DMRT1: variants seen among roughly 807,000 people sequenced by gnomAD.
DMRT1 encodes doublesex- and mab-3-related transcription factor 1.
A neutral mutation model predicts 32.3 loss-of-function variants in DMRT1; 7 were observed. The observed-to-expected ratio is 0.22, with a 90% CI of 0.12 to 0.41. DMRT1 has a LOEUF of 0.41. Ranked by LOEUF, DMRT1 falls within the 10% of genes least tolerant of loss-of-function variation. The pLI, the probability that DMRT1 is intolerant of heterozygous loss-of-function variation, is 1.00. For missense variants in DMRT1, 625 were observed against 500.5 expected (o/e 1.25, Z -2.37); for synonymous variants, 278 against 206.1 (o/e 1.35, Z -2.99).
intron 2 of DMRT1, among the ~76,000 whole-genome samples, chr9:893,503 T>C (rs1817231531): frequency 6.6e-6 from 1 of 152,248 alleles, no homozygotes; most frequent in Non-Finnish European, 1.5e-5. Flanking sequence ...TCACCTAAAC[T>C]CTTGGCCACT....
At chr9:915,076 G>C (rs1338283487) in intron 3 of DMRT1, among the ~76,000 whole-genome samples, 4 of 152,152 alleles carry the variant, frequency 2.6e-5, no homozygotes, top group Non-Finnish European at 4.4e-5. Context: ...AATTATTTTG[G>C]ATTATTTTGA....
At chr9:918,335 G>C (rs1311643186) in intron 4 of DMRT1, among the ~76,000 whole-genome samples, 1 of 152,190 alleles carries the variant, frequency 6.6e-6, no homozygotes, top group Non-Finnish European at 1.5e-5. Context: ...CTTACACCAG[G>C]AATAATGGAA....
At chr9:851,220 G>A (rs188709202) in intron 2 of DMRT1, among the ~76,000 whole-genome samples, 89 of 152,060 alleles carry the variant, frequency 5.9e-4, no homozygotes, top group African/African-American at 2.0e-3. Flanking sequence ...GTAGCTTAGT[G>A]AAATTTAGTC....
At chr9:873,649 G>A (rs752403756) in intron 2 of DMRT1, among the ~76,000 whole-genome samples, 2 of 152,102 alleles carry the variant, frequency 1.3e-5, no homozygotes, top group African/African-American at 2.4e-5. Flanking sequence ...TTAGGTTATC[G>A]CTAGGTCTTG....
chr9:878,209 C>CG (rs1554749517), intron 2 of DMRT1, among the ~76,000 whole-genome samples: 3 of 127,104 alleles, frequency 2.4e-5, no homozygotes, highest in African/African-American at 5.9e-5. Flanking sequence ...TGCCCCCCCC[C>CG]CACCCAATAA....
intron 4 of DMRT1, among the ~76,000 whole-genome samples, chr9:957,028 G>A (rs976331487): frequency 2.0e-4 from 30 of 152,178 alleles, no homozygotes; most frequent in African/African-American, 7.0e-4. Flanking sequence ...GCTGAGGCTT[G>A]GGGTATGAAT....
chr9:897,583 C>T (rs1278929053), intron 3 of DMRT1, among the ~76,000 whole-genome samples: 1 of 149,490 alleles, frequency 6.7e-6, no homozygotes, highest in Admixed American at 6.7e-5. Context: ...CAGAGCAAGA[C>T]ACTGTCTCCA....
intron 3 of DMRT1, among the ~76,000 whole-genome samples, chr9:910,059 G>A (rs56874506): frequency 6.6e-6 from 1 of 152,174 alleles, no homozygotes; most frequent in Non-Finnish European, 1.5e-5. Flanking sequence ...AATTAGGAAT[G>A]TTATCCTATA....
chr9:896,303 T>A, intron 3 of DMRT1, among the ~76,000 whole-genome samples: 1 of 147,498 alleles, frequency 6.8e-6, no homozygotes, highest in African/African-American at 2.5e-5. Context: ...TTTTTTTTTT[T>A]CCTGAGACAG....
chr9:928,110 T>A (rs1564257023), intron 4 of DMRT1, among the ~76,000 whole-genome samples: 1 of 152,174 alleles, frequency 6.6e-6, no homozygotes, highest in Non-Finnish European at 1.5e-5. Flanking sequence ...TTCCAAGAGA[T>A]TGATGGTGTT....
chr9:943,111 T>C (rs908328208), intron 4 of DMRT1, among the ~76,000 whole-genome samples: 1 of 152,138 alleles, frequency 6.6e-6, no homozygotes, highest in African/African-American at 2.4e-5. Context: ...TATCAGGTTG[T>C]TATTCCAAGG....
At chr9:915,435 A>T (rs932022313) in intron 3 of DMRT1, among the ~76,000 whole-genome samples, 1 of 152,144 alleles carries the variant, frequency 6.6e-6, no homozygotes, top group African/African-American at 2.4e-5. Flanking sequence ...AAGCTATCTC[A>T]TGGTCCTAAA....
chr9:846,119 C>T (rs139124336), intron 1 of DMRT1, among the ~76,000 whole-genome samples: 1,633 of 150,578 alleles, frequency 0.011, 12 homozygotes, highest in Non-Finnish European at 0.016. Flanking sequence ...GCAACCTCTG[C>T]CTCCTGGGTT....
rs527628129 is a variant in DMRT1, at chr9:902,254, A to AT, written c.822+8060dup. Among the ~76,000 whole-genome samples, 1,117 of 148,926 alleles carry AT rather than the reference A, an allele frequency of 7.5e-3. 16 individuals carry two copies. Among genetic ancestry groups the AT allele is most frequent in the African/African-American group, 0.027 (1,064 of 39,838 alleles). ...ATAAAGTGATGTATTAGATGGTGGGATGTTTTTTGTTAATGCTCTTATTCA... is the reference window on the plus strand; with the variant it reads ...ATAAAGTGATGTATTAGATGGTGGGATTGTTTTTTGTTAATGCTCTTATTCA... On this transcript the variant is annotated intron_variant, in intron 3 of 4. Transcript: ENST00000382276.
chr9:927,963 C>T (rs1239079817), intron 4 of DMRT1, among the ~76,000 whole-genome samples: 1 of 152,182 alleles, frequency 6.6e-6, no homozygotes, highest in South Asian at 2.1e-4. Flanking sequence ...ACTGTTGCCA[C>T]CCATTGTGGA....
chr9:939,044 C>A (rs1265569777), intron 4 of DMRT1, among the ~76,000 whole-genome samples: 1 of 152,236 alleles, frequency 6.6e-6, no homozygotes, highest in Non-Finnish European at 1.5e-5. Context: ...TGGGTTGCCC[C>A]ACTCCATAGC....
chr9:852,830 C>G (rs1833601277), intron 2 of DMRT1, among the ~76,000 whole-genome samples: 1 of 152,206 alleles, frequency 6.6e-6, no homozygotes, highest in Admixed American at 6.5e-5. Context: ...TTAGAAGGAT[C>G]AGTCAGGTCT....
intron 2 of DMRT1, among the ~76,000 whole-genome samples, chr9:885,832 C>T (rs367992220): frequency 6.6e-6 from 1 of 152,176 alleles, no homozygotes; most frequent in Non-Finnish European, 1.5e-5. Context: ...ATCAGATCTA[C>T]AGGTTGATAA....
chr9:951,780 A>G (rs1034173090), intron 4 of DMRT1, among the ~76,000 whole-genome samples: 16 of 152,182 alleles, frequency 1.1e-4, no homozygotes, highest in Admixed American at 5.2e-4. Flanking sequence ...AAGAACAGAA[A>G]AGAAGCACAG....
Sources: allele counts gnomAD v4.1 joint callset (sites outside exome capture counted in the v4.1 genomes callset), GRCh38; gene constraint gnomAD v4.1.1; transcripts MANE v1.5; gene names NCBI Gene and HGNC (gene_info 2026-07-23, HGNC 2026-07-21).